ARAP2: variants seen among roughly 807,000 people sequenced by gnomAD.
ARAP2 encodes ArfGAP with RhoGAP domain, ankyrin repeat and PH domain 2, also known as arf-GAP with Rho-GAP domain, ANK repeat and PH domain-containing protein 2.
A neutral mutation model predicts 194.5 loss-of-function variants in ARAP2; 148 were observed. The observed-to-expected ratio is 0.76, with a 90% confidence interval of 0.67 to 0.87. The LOEUF (loss-of-function observed/expected upper bound fraction) is 0.87. Among genes scored for constraint, ARAP2 ranks in the 40% least tolerant of loss-of-function variants. The probability of loss-of-function intolerance (pLI) is 0.00; values close to 1 mark genes in which losing one functional copy is unlikely to be tolerated. For missense variants in ARAP2, 2,128 were observed against 1,989.7 expected, an observed-to-expected ratio of 1.07 and a Z score of -1.32; for synonymous variants, 695 against 683.5, an observed-to-expected ratio of 1.02 and a Z score of -0.26.
intron 5 of ARAP2, among the ~76,000 whole-genome samples, chr4:36,020,481 A>G (rs1716732375): frequency 2.0e-5 from 3 of 151,978 alleles, no homozygotes; most frequent in African/African-American, 7.3e-5. Flanking sequence ...TGGGCAGGTT[A>G]GCACATGTAG....
At chr4:36,151,818 A>G (rs1731063275) in intron 15 of ARAP2, among the ~76,000 whole-genome samples, 1 of 152,144 alleles carries the variant, frequency 6.6e-6, no homozygotes, top group Non-Finnish European at 1.5e-5. Context: ...TGTATTATAC[A>G]TAGGCATATA....
At chr4:36,163,340 T>G (rs1317105910) in intron 11 of ARAP2, among the ~76,000 whole-genome samples, 2 of 152,210 alleles carry the variant, frequency 1.3e-5, no homozygotes, top group East Asian at 3.9e-4. Flanking sequence ...TAGAGAGACA[T>G]GTTGTCGAGA....
intron 26 of ARAP2, among the ~76,000 whole-genome samples, chr4:36,110,851 T>C (rs935064309): frequency 1.3e-5 from 2 of 151,970 alleles, no homozygotes; most frequent in African/African-American, 4.8e-5. Flanking sequence ...TCTGAATTAG[T>C]AGCTGCCACA....
At chr4:36,222,856 A>C (rs1749475830) in intron 2 of ARAP2, among the ~76,000 whole-genome samples, 1 of 152,098 alleles carries the variant, frequency 6.6e-6, no homozygotes, top group African/African-American at 2.4e-5. Context: ...CCATTTTTTA[A>C]ATATGACTCA....
intron 6 of ARAP2, among the ~76,000 whole-genome samples, chr4:36,197,042 T>C (rs892530797): frequency 1.3e-5 from 2 of 151,880 alleles, no homozygotes; most frequent in Non-Finnish European, 2.9e-5. Context: ...GAATGTGTAA[T>C]GATATATTTG....
chr4:36,177,200 T>C (rs943937158), intron 9 of ARAP2, among the ~76,000 whole-genome samples: 1 of 152,154 alleles, frequency 6.6e-6, no homozygotes, highest in African/African-American at 2.4e-5. Flanking sequence ...ATTTAAATAC[T>C]CTATTGAGTC....
chr4:36,171,730 G>C (rs377740857), intron 9 of ARAP2, among the ~76,000 whole-genome samples: 10 of 152,002 alleles, frequency 6.6e-5, no homozygotes, highest in African/African-American at 1.2e-4. Flanking sequence ...CACAGGACTA[G>C]CTAGCTCTTG....
intron 10 of ARAP2, chr4:36,005,472 A>C (rs2109296073): frequency 6.6e-6 from 1 of 152,298 alleles, no homozygotes; most frequent in South Asian, 2.1e-4. Context: ...TTAAATACTA[A>C]GTCACATTGT....
chr4:36,058,871 G>C (rs1317660818), intron 1 of ARAP2, among the ~76,000 whole-genome samples: 2 of 152,070 alleles, frequency 1.3e-5, no homozygotes, highest in African/African-American at 2.4e-5. Flanking sequence ...GAAGATAAAG[G>C]GGATAGCAGA....
At chr4:36,039,045 A>G (rs1720396967) in intron 5 of ARAP2, among the ~76,000 whole-genome samples, 1 of 152,170 alleles carries the variant, frequency 6.6e-6, no homozygotes, top group South Asian at 2.1e-4. Context: ...TTCAGCACAG[A>G]CACAGACAAG....
At position 36,102,903 on chromosome 4, in the gene ARAP2, A is replaced by G. The variant is rs78913341; in HGVS notation, c.4285+4662T>C. On this transcript the variant is annotated intron_variant, in intron 27 of 32. Transcript: ENST00000303965. The stretch of plus-strand genomic sequence containing the variant: ...GTCAGGAAATTGGTACTCCATAGTA[A>G]ATATCAGTGACTATCATCAATTTCA... Among the ~76,000 whole-genome samples, 793 of 152,026 alleles carry G rather than the reference A, an allele frequency of 5.2e-3. 6 individuals are homozygous for G. The highest frequency in any genetic ancestry group is 0.018 in the African/African-American group (750 of 41,548).
intron 1 of ARAP2, among the ~76,000 whole-genome samples, chr4:36,241,871 C>T (rs1560754882): frequency 1.3e-5 from 2 of 152,114 alleles, no homozygotes; most frequent in Non-Finnish European, 2.9e-5. Context: ...AATCTGCCAC[C>T]TAAACCACTG....
chr4:36,029,855 C>T (rs920638628), intron 5 of ARAP2, among the ~76,000 whole-genome samples: 2 of 152,038 alleles, frequency 1.3e-5, no homozygotes, highest in African/African-American at 4.8e-5. Flanking sequence ...CTGACTACAC[C>T]TATCATTTAT....
At chr4:36,136,530 G>T (rs1726743955) in intron 19 of ARAP2, among the ~76,000 whole-genome samples, 1 of 151,638 alleles carries the variant, frequency 6.6e-6, no homozygotes, top group Non-Finnish European at 1.5e-5. Flanking sequence ...AGAACCAGAA[G>T]TGCCTTCACA....
chr4:36,082,404 C>T (rs1223717768), intron 29 of ARAP2, 118 bp from the exon 30 acceptor site: 13 of 1,009,456 alleles, frequency 1.3e-5, no homozygotes, highest in Admixed American at 2.5e-5. Context: ...TAGACTTCCA[C>T]AAGTGGTGAT....
intron 26 of ARAP2, among the ~76,000 whole-genome samples, chr4:36,112,261 T>TA (rs553025839): frequency 6.6e-6 from 1 of 151,822 alleles, no homozygotes; most frequent in African/African-American, 2.4e-5. Flanking sequence ...GTAAATGCCC[T>TA]AAAAAAAGTA....
chr4:36,093,808 C>T (rs1222918617), intron 27 of ARAP2, among the ~76,000 whole-genome samples: 2 of 152,060 alleles, frequency 1.3e-5, no homozygotes, highest in Non-Finnish European at 1.5e-5. Context: ...CTACTGTTTC[C>T]GTATTCATGT....
chr4:36,240,231 C>T (rs1465661365), intron 1 of ARAP2, among the ~76,000 whole-genome samples: 3 of 152,156 alleles, frequency 2.0e-5, no homozygotes, highest in African/African-American at 7.2e-5. Flanking sequence ...CCATTGTATA[C>T]AATATTGCCT....
chr4:36,175,403 A>G (rs1465877123), intron 9 of ARAP2, among the ~76,000 whole-genome samples: 5 of 152,104 alleles, frequency 3.3e-5, no homozygotes, highest in Non-Finnish European at 7.4e-5. Context: ...ACGGGAGAAA[A>G]CCAATGGGCA....
Sources: allele counts gnomAD v4.1 joint callset (sites outside exome capture counted in the v4.1 genomes callset), GRCh38; gene constraint gnomAD v4.1.1; transcripts MANE v1.5; gene names NCBI Gene and HGNC (gene_info 2026-07-23, HGNC 2026-07-21).